The following DAZAP1 variants were observed in gnomAD, a reference collection of about 807,000 sequenced individuals.
DAZAP1 encodes the protein DAZ-associated protein 1.
Under a neutral mutation model 60.1 loss-of-function variants are expected in DAZAP1, and 6 were observed. The observed-to-expected ratio is 0.10, with a 90% CI of 0.05 to 0.20. The LOEUF is 0.20. Among genes scored for constraint, DAZAP1 ranks in the 10% least tolerant of loss-of-function variants. DAZAP1 has a pLI of 1.00. For synonymous variants in DAZAP1, 235 were observed against 215.9 expected (o/e 1.09, Z -0.78); for missense variants, 366 against 560.4 (o/e 0.65, Z 3.50).
At position 1,418,110 on chromosome 19, in the gene DAZAP1, G is replaced by A; in HGVS notation, c.71-94G>A. On this transcript the variant is annotated intron_variant, in intron 2 of 11. Transcript: ENST00000233078. The surrounding 1 kb of genome is among the most constrained non-coding windows in gnomAD (Gnocchi z 5.7). ...CAGCATCGCTCGGTGCGTGGCTGGT[G>A]GACTGGAGGAGTGTGCGTGCCGGCA... is the stretch of plus-strand genomic sequence containing the variant. The A allele has an allele frequency of 7.5e-7, 1 of 1,330,696 alleles. No homozygotes were observed. Among genetic ancestry groups the A allele is most frequent in the Non-Finnish European group, 1.1e-6 (1 of 941,476 alleles). The allele number at this position is 1,330,696 out of a possible 1,614,324, so 82.4% of individuals were successfully genotyped here.
chr19:1,429,095 G>C (rs1490026921), intron 8 of DAZAP1, 100 bp downstream of exon 8: 3 of 1,370,956 alleles, frequency 2.2e-6, no homozygotes, highest in Non-Finnish European at 2.9e-6. Context: ...CACCTCTGCT[G>C]TGCATGCACA....
chr19:1,424,353 T>TC (rs2083250697), intron 6 of DAZAP1, among the ~76,000 whole-genome samples: 1 of 18,112 alleles, frequency 5.5e-5, no homozygotes, highest in Non-Finnish European at 1.1e-4. Flanking sequence ...CTCCTCCCCC[T>TC]CCCCCTCCCC....
At chr19:1,421,122 C>G (rs779772419) in intron 4 of DAZAP1, 26 bp from the exon 5 acceptor site, 1 of 1,609,104 alleles carries the variant, frequency 6.2e-7, no homozygotes, top group Non-Finnish European at 8.5e-7. Context: ...CCCGTGTGAA[C>G]TAACTATCCT....
Position 1,435,014 on chromosome 19 carries a change from G to A in DAZAP1, c.*102G>A, listed in dbSNP as rs1055986662. 1.4e-5 allele frequency: 3 copies of A among 209,206 alleles called. No homozygotes were observed. The highest frequency in any genetic ancestry group is 5.1e-5 in the South Asian group (1 of 19,762). 13.0% of individuals were successfully genotyped at this position (209,206 alleles called of 1,614,324 possible). A position where few individuals can be genotyped will look rare whatever the true frequency, so the allele number is the denominator to read the frequency against. On this transcript the variant is annotated 3_prime_UTR_variant, in exon 12 of 12. Coordinates refer to ENST00000233078, the MANE Select transcript of DAZAP1 (RefSeq NM_018959.4). Reference sequence around the variant, plus strand: ...CGGCAAAGTGGCGACTCAACCTTGGGGGGGGGGGCGGGGGGAGGGCGCGAG... The same window carrying A: ...CGGCAAAGTGGCGACTCAACCTTGGAGGGGGGGGCGGGGGGAGGGCGCGAG...
chr19:1,422,436 T>C lies in DAZAP1; in HGVS notation c.463+40T>C, dbSNP rs191331844. The C allele has an allele frequency of 2.3e-5, 36 of 1,598,556 alleles. No homozygotes were observed. The highest frequency in any genetic ancestry group is 3.1e-5 in the Non-Finnish European group (36 of 1,167,438). On this transcript the variant is annotated intron_variant, in intron 6 of 11. Transcript: ENST00000233078. This position sits in a 1 kb window ranked among gnomAD's most constrained non-coding sequence, Gnocchi z 4.5. Reference sequence around the variant, plus strand: ...AGTTTGACCTCGGCCTTCTCCCTGCTCCTCCCTCAGATGGCAAACTATCTC... The same window carrying C: ...AGTTTGACCTCGGCCTTCTCCCTGCCCCTCCCTCAGATGGCAAACTATCTC...
Position 1,425,295 on chromosome 19 carries a change from T to C in DAZAP1, c.464-583T>C, listed in dbSNP as rs985678932. On this transcript the variant is annotated intron_variant, in intron 6 of 11. Transcript: ENST00000233078. This position sits in a 1 kb window ranked among gnomAD's most constrained non-coding sequence, Gnocchi z 5.4. ...TCTGTTAACGCTTTAGAACGATATATGGCTGCTGTCAGCACTAGCTGCAAA... is the reference window on the plus strand; with the variant it reads ...TCTGTTAACGCTTTAGAACGATATACGGCTGCTGTCAGCACTAGCTGCAAA... 8.5e-5 allele frequency among the ~76,000 whole-genome samples: 13 copies of C among 152,232 alleles called. No individual in the cohort carries two copies. Among genetic ancestry groups the C allele is most frequent in the African/African-American group, 2.7e-4 (11 of 41,462 alleles).
In DAZAP1 at chr19:1,432,784, C is replaced by T; in HGVS notation, c.1048+94C>T. On this transcript the variant is annotated intron_variant, in intron 11 of 11. Transcript: ENST00000233078. The surrounding 1 kb of genome is among the most constrained non-coding windows in gnomAD (Gnocchi z 4.9). ...GCTTCCTCCCCTGCTGGACGCTCCC[C>T]AGCCTTTACCTGGTGGGAAAGGGGA... 2.2e-6 allele frequency: 3 copies of T among 1,387,032 alleles called. No individual in the cohort carries two copies. The highest frequency in any genetic ancestry group is 2.0e-6 in the Non-Finnish European group (2 of 1,019,388). The allele number at this position is 1,387,032 out of a possible 1,614,324, so 85.9% of individuals were successfully genotyped here. A position where few individuals can be genotyped will look rare whatever the true frequency, so the allele number is the denominator to read the frequency against.
In DAZAP1 at chr19:1,434,991, G is replaced by A; in HGVS notation, c.*79G>A. On this transcript the variant is annotated 3_prime_UTR_variant, in exon 12 of 12. Coordinates refer to ENST00000233078, the MANE Select transcript of DAZAP1 (RefSeq NM_018959.4). This position sits in a 1 kb window ranked among gnomAD's most constrained non-coding sequence, Gnocchi z 8.0. ...ACTCGTGACAATCACAAACTTGGCG[G>A]CAAAGTGGCGACTCAACCTTGGGGG... The A allele has an allele frequency of 3.5e-6, 1 of 288,920 alleles. No individual in the cohort carries two copies. The highest frequency in any genetic ancestry group is 1.4e-4 in the South Asian group (1 of 7,336). The allele number at this position is 288,920 out of a possible 1,614,324, so 17.9% of individuals were successfully genotyped here. A position where few individuals can be genotyped will look rare whatever the true frequency, so the allele number is the denominator to read the frequency against.
chr19:1,417,055 T>C, intron 1 of DAZAP1: 1 of 158,138 alleles, frequency 6.3e-6, no homozygotes, highest in Non-Finnish European at 1.3e-5. Context: ...CAGGCTGTAA[T>C]TCAGAGGCCG....
chr19:1,414,102 G>A (rs991132884), intron 1 of DAZAP1, among the ~76,000 whole-genome samples: 10 of 150,674 alleles, frequency 6.6e-5, no homozygotes, highest in African/African-American at 2.4e-4. Context: ...TGCAACCTCC[G>A]CCTCCCGGGT....
rs1569074052 is a variant in DAZAP1 at position 1,422,926 on chromosome 19, A to C, written c.463+530A>C. Among the ~76,000 whole-genome samples, 1 of 150,804 alleles carries C rather than the reference A, an allele frequency of 6.6e-6. No homozygotes were observed. Among genetic ancestry groups the C allele is most frequent in the Non-Finnish European group, 1.5e-5 (1 of 67,820 alleles). On this transcript the variant is annotated intron_variant, in intron 6 of 11. Transcript: ENST00000233078. The surrounding 1 kb of genome is among the most constrained non-coding windows in gnomAD (Gnocchi z 4.5). ...GGGAGGAGGGGTGAGGAGTCACCTC[A>C]GGGCCTCCCCTCATTTTCCCTCAGC... is the stretch of plus-strand genomic sequence containing the variant.
chr19:1,407,699 C>A lies in DAZAP1; in HGVS notation c.-75C>A, dbSNP rs2082705116. 4.8e-6 allele frequency: 5 copies of A among 1,038,942 alleles called. No individual in the cohort carries two copies. In the South Asian group the frequency reaches 2.1e-4, roughly 44 times the overall value. The allele number at this position is 1,038,942 out of a possible 1,614,324, so 64.4% of individuals were successfully genotyped here. A position where few individuals can be genotyped will look rare whatever the true frequency, so the allele number is the denominator to read the frequency against. ...CGGGCCGCGGCTGTGGGGAGGGCGA[C>A]GGAGCGGGTGACCTTCCGGAGGCGG... On this transcript the variant is annotated 5_prime_UTR_variant, in exon 1 of 12. Coordinates refer to ENST00000233078, the MANE Select transcript of DAZAP1 (RefSeq NM_018959.4).
At chr19:1,421,962 C>T (rs2083169532) in intron 5 of DAZAP1, among the ~76,000 whole-genome samples, 1 of 152,334 alleles carries the variant, frequency 6.6e-6, no homozygotes, top group African/African-American at 2.4e-5. Flanking sequence ...GCCGAGCGTG[C>T]CCTTTGCTTC....
rs1389580887 is a variant in DAZAP1 at position 1,422,283 on chromosome 19, G to A, written c.415-65G>A. On this transcript the variant is annotated intron_variant, in intron 5 of 11. Transcript: ENST00000233078. The surrounding 1 kb of genome is among the most constrained non-coding windows in gnomAD (Gnocchi z 4.5). Reference sequence around the variant, plus strand: ...GTTTGGGTTCGTGGGAACAGGCTGTGCCCTCGGAAGACCACCTGTGGTGCT... The same window carrying A: ...GTTTGGGTTCGTGGGAACAGGCTGTACCCTCGGAAGACCACCTGTGGTGCT... 1.8e-5 allele frequency: 26 copies of A among 1,468,160 alleles called. No homozygotes were observed. Among genetic ancestry groups the A allele is most frequent in the Non-Finnish European group, 2.9e-6 (3 of 1,049,700 alleles). The allele number at this position is 1,468,160 out of a possible 1,614,324, so 90.9% of individuals were successfully genotyped here.
chr19:1,433,480 G>A lies in DAZAP1; in HGVS notation c.1048+790G>A, dbSNP rs968380943. On this transcript the variant is annotated intron_variant, in intron 11 of 11. Coordinates refer to ENST00000233078, the MANE Select transcript of DAZAP1 (RefSeq NM_018959.4). This position sits in a 1 kb window ranked among gnomAD's most constrained non-coding sequence, Gnocchi z 6.1. ...GAACACGCTTCCTCTAGGCCTGGTGGAGGCCGGGGTGTGGGAGCTGTGTTC... is the reference window on the plus strand; with the variant it reads ...GAACACGCTTCCTCTAGGCCTGGTGAAGGCCGGGGTGTGGGAGCTGTGTTC... 1.7e-5 allele frequency: 9 copies of A among 522,738 alleles called. No homozygotes were observed. The South Asian group carries it at 1.8e-4, about 10-fold the overall frequency. The allele number at this position is 522,738 out of a possible 1,614,324, so 32.4% of individuals were successfully genotyped here.
chr19:1,432,394 C>G lies in DAZAP1; in HGVS notation c.872-120C>G. On this transcript the variant is annotated intron_variant, in intron 10 of 11. Transcript: ENST00000233078. This position sits in a 1 kb window ranked among gnomAD's most constrained non-coding sequence, Gnocchi z 4.9. ...TGGATGTCCACAAGGCCTGGGCGTTCTGTGGGTTTGGGTGGCAGTCCCGTC... is the reference window on the plus strand; with the variant it reads ...TGGATGTCCACAAGGCCTGGGCGTTGTGTGGGTTTGGGTGGCAGTCCCGTC... The G allele has an allele frequency of 9.7e-7, 1 of 1,033,660 alleles. No individual in the cohort carries two copies. The highest frequency in any genetic ancestry group is 1.5e-6 in the Non-Finnish European group (1 of 673,872). The allele number at this position is 1,033,660 out of a possible 1,614,324, so 64.0% of individuals were successfully genotyped here. A position where few individuals can be genotyped will look rare whatever the true frequency, so the allele number is the denominator to read the frequency against.
intron 1 of DAZAP1, among the ~76,000 whole-genome samples, chr19:1,412,044 A>G (rs1370513036): frequency 1.3e-5 from 2 of 152,202 alleles, no homozygotes; most frequent in Non-Finnish European, 2.9e-5. Flanking sequence ...GCCAAGGAGA[A>G]CACTGGTCCG....
rs1232677600 is a variant in DAZAP1 at position 1,407,618 on chromosome 19, CA to C, written c.-155del. ...GACCGTTGGCGCCGAGGGGAGGAGG[CA>C]GCCGCCGCCGCCGCCGCCGCCGCCG... On this transcript the variant is annotated 5_prime_UTR_variant, in exon 1 of 12. Coordinates refer to ENST00000233078, the MANE Select transcript of DAZAP1 (RefSeq NM_018959.4). 1.5e-6 allele frequency: 1 copy of C among 683,072 alleles called. No individual in the cohort carries two copies. Among genetic ancestry groups the C allele is most frequent in the African/African-American group, 2.2e-5 (1 of 46,416 alleles). 42.3% of individuals were successfully genotyped at this position (683,072 alleles called of 1,614,324 possible). A position where few individuals can be genotyped will look rare whatever the true frequency, so the allele number is the denominator to read the frequency against.
intron 7 of DAZAP1, chr19:1,427,744 A>G (rs1229299704): frequency 1.3e-5 from 2 of 152,176 alleles, no homozygotes; most frequent in African/African-American, 4.8e-5. Context: ...TCCTGTTCCC[A>G]TCATAGGCCG....
Sources: allele counts gnomAD v4.1 joint callset (sites outside exome capture counted in the v4.1 genomes callset), GRCh38; gene constraint gnomAD v4.1.1; non-coding constraint Gnocchi (gnomAD v3.1); transcripts MANE v1.5; gene names NCBI Gene and HGNC (gene_info 2026-07-23, HGNC 2026-07-21).